Variants in RFTN1 observed in about 807,000 individuals in gnomAD.
The protein encoded by RFTN1 is raftlin.
A neutral mutation model predicts 46.5 loss-of-function variants in RFTN1; 26 were observed. The ratio of observed to expected loss-of-function variants is 0.56; its 90% CI spans 0.41 to 0.78. RFTN1 has a LOEUF of 0.78. RFTN1 is among the 30% of genes least tolerant of loss of function. RFTN1 has a pLI of 0.00. For missense variants in RFTN1, 693 were observed against 718.7 expected, an observed-to-expected ratio of 0.96 and a Z score of 0.41; for synonymous variants, 261 against 284.2, an observed-to-expected ratio of 0.92 and a Z score of 0.82.
At chr3:16,487,741 T>C (rs767583954) in intron 2 of RFTN1, among the ~76,000 whole-genome samples, 4 of 152,078 alleles carry the variant, frequency 2.6e-5, no homozygotes, top group South Asian at 2.1e-4. Flanking sequence ...AGAGCTGACA[T>C]AGGTAGCTTT....
At position 16,400,579 on chromosome 3, in the gene RFTN1, A is replaced by G. The variant is rs2074576263; in HGVS notation, c.441+8796T>C. On this transcript the variant is annotated intron_variant, in intron 4 of 9. Transcript: ENST00000334133. This position sits in a 1 kb window ranked among gnomAD's most constrained non-coding sequence, Gnocchi z 4.5. ...GCAAAGATCTGTTCAAAGAAATGTG[A>G]ACGAAACCTGACCCACTGATGCTGG... 6.6e-6 allele frequency among the ~76,000 whole-genome samples: 1 copy of G among 152,236 alleles called. No individual in the cohort carries two copies.
In RFTN1 at chr3:16,378,052, C is replaced by T. The variant is rs758245450; in HGVS notation, c.492G>A (p.Gln164=). 4.3e-6 allele frequency: 7 copies of T among 1,614,242 alleles called. No individual in the cohort carries two copies. The South Asian group carries it at 5.5e-5, about 13-fold the overall frequency. The change falls in exon 5 of 10, where the codon CAG becomes CAA. Residue 164 remains glutamine, a synonymous_variant. Coordinates refer to ENST00000334133, the MANE Select transcript of RFTN1 (RefSeq NM_015150.2). The stretch of plus-strand genomic sequence containing the variant: ...CTGCCGAGTTCACAGAGGAATGGTA[C>T]TGAGGTATAACACCAACGAATTTCA... ...QGLKFVGVIP[Q]YHSSVNSAGS...
At chr3:16,434,489 G>A (rs926026545) in intron 2 of RFTN1, among the ~76,000 whole-genome samples, 1 of 152,048 alleles carries the variant, frequency 6.6e-6, no homozygotes, top group Non-Finnish European at 1.5e-5. Context: ...GAAATGGGGA[G>A]GTTTGCAGTG....
At chr3:16,365,197 A>G (rs2073085050) in intron 6 of RFTN1, among the ~76,000 whole-genome samples, 1 of 152,204 alleles carries the variant, frequency 6.6e-6, no homozygotes, top group African/African-American at 2.4e-5. Flanking sequence ...GGGAGTGGCT[A>G]TCAGAAACAC....
At chr3:16,379,869 C>G (rs949803297) in intron 4 of RFTN1, among the ~76,000 whole-genome samples, 2 of 152,038 alleles carry the variant, frequency 1.3e-5, no homozygotes, top group African/African-American at 2.4e-5. Flanking sequence ...ATAATTATAC[C>G]AAAGAACTTT....
At position 16,425,680 on chromosome 3, in the gene RFTN1, C is replaced by A. The variant is rs1472737887; in HGVS notation, c.332+8171G>T. Among the ~76,000 whole-genome samples the A allele has an allele frequency of 1.3e-5, 2 of 151,916 alleles. No homozygotes were observed. The highest frequency in any genetic ancestry group is 1.3e-4 in the Admixed American group (2 of 15,242). On this transcript the variant is annotated intron_variant, in intron 3 of 9. Transcript: ENST00000334133. This position sits in a 1 kb window ranked among gnomAD's most constrained non-coding sequence, Gnocchi z 4.3. ...GAGTGTGGATTGGAAAAAATTCTTT[C>A]CCCCAAGAGAAGGTGGCTTTACGCT...
intron 6 of RFTN1, among the ~76,000 whole-genome samples, chr3:16,360,127 C>T (rs1345780594): frequency 6.6e-6 from 1 of 151,666 alleles, no homozygotes; most frequent in Non-Finnish European, 1.5e-5. Context: ...TTAATTAATT[C>T]TCTTTATCTT....
intron 7 of RFTN1, among the ~76,000 whole-genome samples, chr3:16,350,697 G>A (rs537518109): frequency 6.6e-6 from 1 of 152,318 alleles, no homozygotes; most frequent in South Asian, 2.1e-4. Context: ...GGATGGAGAT[G>A]CAGCCTGGGA....
Position 16,427,145 on chromosome 3 carries a change from T to C in RFTN1, c.332+6706A>G, listed in dbSNP as rs1040183371. 3.9e-5 allele frequency among the ~76,000 whole-genome samples: 6 copies of C among 152,214 alleles called. No homozygotes were observed. The highest frequency in any genetic ancestry group is 5.9e-5 in the Non-Finnish European group (4 of 68,030). ...ATGGGTTAGGGACAAACAATCCTAC[T>C]TTGGAAAAGTGAGGCTAAAAGAGAA... On this transcript the variant is annotated intron_variant, in intron 3 of 9. Transcript: ENST00000334133. This position sits in a 1 kb window ranked among gnomAD's most constrained non-coding sequence, Gnocchi z 5.4.
chr3:16,411,298 C>T (rs142943609), intron 3 of RFTN1, among the ~76,000 whole-genome samples: 195 of 152,260 alleles, frequency 1.3e-3, no homozygotes, highest in African/African-American at 4.4e-3. Flanking sequence ...TCTTATATAG[C>T]ATTAAAAGCA....
rs2070045060 is a variant in RFTN1, at chr3:16,329,205, A to G, written c.1147-2329T>C. Among the ~76,000 whole-genome samples, 4 of 152,326 alleles carry G rather than the reference A, an allele frequency of 2.6e-5. No homozygotes were observed. The South Asian group carries it at 8.3e-4, about 32-fold the overall frequency. The stretch of plus-strand genomic sequence containing the variant: ...GGGATGACGCAGCAAGAAGGCCCTC[A>G]CAAGATGCCAGGCCCTCGACCTTGG... On this transcript the variant is annotated intron_variant, in intron 7 of 9. Transcript: ENST00000334133. This position sits in a 1 kb window ranked among gnomAD's most constrained non-coding sequence, Gnocchi z 4.5.
rs1575048548 is a variant in RFTN1, at chr3:16,338,802, C to G, written c.1147-11926G>C. ...AGAGAAAAGGGATTGAAAAAAGGAG[C>G]TTTTCCAAAGTGTATAATTAAAAAG... On this transcript the variant is annotated intron_variant, in intron 7 of 9. Coordinates refer to ENST00000334133, the MANE Select transcript of RFTN1 (RefSeq NM_015150.2). The surrounding 1 kb of genome is among the most constrained non-coding windows in gnomAD (Gnocchi z 5.3). Among the ~76,000 whole-genome samples, 1 of 152,150 alleles carries G rather than the reference C, an allele frequency of 6.6e-6. No individual in the cohort carries two copies. Among genetic ancestry groups the G allele is most frequent in the East Asian group, 1.9e-4 (1 of 5,196 alleles).
At chr3:16,496,954 G>A (rs553905990) in intron 1 of RFTN1, among the ~76,000 whole-genome samples, 35 of 152,310 alleles carry the variant, frequency 2.3e-4, no homozygotes, top group African/African-American at 8.2e-4. Flanking sequence ...AAAAAGGAGT[G>A]GGGGTGGGGG....
intron 6 of RFTN1, among the ~76,000 whole-genome samples, chr3:16,362,933 G>A (rs1387117351): frequency 6.6e-6 from 1 of 152,154 alleles, no homozygotes; most frequent in Non-Finnish European, 1.5e-5. Context: ...AGGGGGCTGT[G>A]TAGTCCGCAG....
chr3:16,500,777 T>C lies in RFTN1; in HGVS notation c.-8-6900A>G, dbSNP rs964928948. 6.6e-6 allele frequency among the ~76,000 whole-genome samples: 1 copy of C among 152,194 alleles called. No individual in the cohort carries two copies. Among genetic ancestry groups the C allele is most frequent in the African/African-American group, 2.4e-5 (1 of 41,450 alleles). On this transcript the variant is annotated intron_variant, in intron 1 of 9. Transcript: ENST00000334133. This position sits in a 1 kb window ranked among gnomAD's most constrained non-coding sequence, Gnocchi z 5.9. ...GGAGGGAAATTATGTTCCAAATTCA[T>C]TCATCCATCCATTCATTCAACACAC... is the stretch of plus-strand genomic sequence containing the variant.
At chr3:16,482,738 A>G in intron 2 of RFTN1, 4 of 1,528,360 alleles carry the variant, frequency 2.6e-6, no homozygotes, top group Non-Finnish European at 3.5e-6. Flanking sequence ...CAATGATTAT[A>G]TCAATACCAG....
chr3:16,452,320 G>C lies in RFTN1; in HGVS notation c.146-18283C>G, dbSNP rs2075833927. Among the ~76,000 whole-genome samples the C allele has an allele frequency of 6.6e-6, 1 of 152,010 alleles. No homozygotes were observed. The highest frequency in any genetic ancestry group is 1.5e-5 in the Non-Finnish European group (1 of 68,008). On this transcript the variant is annotated intron_variant, in intron 2 of 9. Transcript: ENST00000334133. This position sits in a 1 kb window ranked among gnomAD's most constrained non-coding sequence, Gnocchi z 6.3. ...GGTAGATGAAGGTAAGGATATAATA[G>C]AAGGCGAAGGGAAAAGTAATTTTAA...
At chr3:16,495,470 T>C (rs1253208514) in intron 1 of RFTN1, among the ~76,000 whole-genome samples, 6 of 152,254 alleles carry the variant, frequency 3.9e-5, no homozygotes, top group Non-Finnish European at 8.8e-5. Flanking sequence ...TCAAACAATG[T>C]GGTCTTTGCC....
At chr3:16,379,218 T>C (rs1469789722) in intron 4 of RFTN1, among the ~76,000 whole-genome samples, 1 of 152,250 alleles carries the variant, frequency 6.6e-6, no homozygotes, top group African/African-American at 2.4e-5. Flanking sequence ...AAGGAGAAGC[T>C]GCCCTGACAG....
Sources: allele counts gnomAD v4.1 joint callset (sites outside exome capture counted in the v4.1 genomes callset), GRCh38; gene constraint gnomAD v4.1.1; non-coding constraint Gnocchi (gnomAD v3.1); transcripts MANE v1.5; gene names NCBI Gene and HGNC (gene_info 2026-07-23, HGNC 2026-07-21).